Variants in SPG7 observed in about 807,000 individuals in gnomAD.
SPG7 encodes the protein SPG7 matrix AAA peptidase subunit, paraplegin, also known as mitochondrial inner membrane m-AAA protease component paraplegin.
Under a neutral mutation model 81.9 loss-of-function variants are expected in SPG7, and 103 were observed. That is an observed-to-expected ratio of 1.26 (90% CI 1.07 to 1.48). SPG7 has a LOEUF of 1.48. Ranked by LOEUF, SPG7 falls within the 40% of genes most tolerant of loss-of-function variation. The pLI is 0.00. For missense variants in SPG7, 1,241 were observed against 1,087.3 expected (o/e 1.14, Z -1.99); for synonymous variants, 534 against 444.2 (o/e 1.20, Z -2.54).
At chr16:89,514,935 CTTTTTT>C (rs56327708) in intron 3 of SPG7, among the ~76,000 whole-genome samples, 2 of 122,534 alleles carry the variant, frequency 1.6e-5, no homozygotes, top group Admixed American at 8.5e-5. Context: ...TGGCCTTGAC[CTTTTTT>C]TTTTTTTTTT....
At chr16:89,531,693 T>C (rs1337923580) in intron 7 of SPG7, 3 of 587,852 alleles carry the variant, frequency 5.1e-6, no homozygotes, top group East Asian at 2.9e-5. Flanking sequence ...TTTTTAAAAG[T>C]AGCTGGGCGT....
At chr16:89,541,153 A>C (rs962996172) in intron 9 of SPG7, 2 of 963,896 alleles carry the variant, frequency 2.1e-6, no homozygotes, top group African/African-American at 1.9e-5. Context: ...TTCTACGCAG[A>C]AATAGAAGAG....
At chr16:89,539,135 A>C (rs948716527) in intron 9 of SPG7, 1 of 152,222 alleles carries the variant, frequency 6.6e-6, no homozygotes, top group Admixed American at 6.5e-5. Context: ...TACGCACTCT[A>C]TGTGTCCCTT....
At chr16:89,532,920 C>T in intron 9 of SPG7, 1 of 443,360 alleles carries the variant, frequency 2.3e-6, no homozygotes, top group South Asian at 2.1e-5. Flanking sequence ...CCCATCTCTA[C>T]AAAAATACAA....
rs759117790 is a variant in SPG7, at chr16:89,556,984, C to T, written c.2279C>T (p.Pro760Leu). 13 of 1,613,896 alleles carry T rather than the reference C, an allele frequency of 8.1e-6. No individual in the cohort carries two copies. The highest frequency in any genetic ancestry group is 3.3e-5 in the South Asian group (3 of 91,084). ...PPHGPKKMIA[P>L]QRWIDAQREK... ...CATGGGCCGAAGAAAATGATCGCAC[C>T]GCAGAGGTGGATCGACGCCCAGAGG... Residue 760 changes from proline (P) to leucine (L), a missense_variant, in exon 17 of 17, where the codon CCG becomes CTG. Transcript: ENST00000645818.
intron 3 of SPG7, chr16:89,520,564 T>G (rs2058173029): frequency 6.7e-6 from 1 of 148,546 alleles, no homozygotes. Flanking sequence ...GCCCAGCTAA[T>G]TTTTGTATTT....
intron 16 of SPG7, 65 bp from the exon 17 acceptor site, chr16:89,556,822 C>T (rs2058691215): frequency 1.5e-6 from 2 of 1,329,936 alleles, no homozygotes; most frequent in East Asian, 2.3e-5. Context: ...TTGCCACCTC[C>T]CCAGGACATA....
chr16:89,549,098 A>G (rs1156627181), intron 12 of SPG7: 5 of 456,364 alleles, frequency 1.1e-5, no homozygotes, highest in South Asian at 7.7e-5. Flanking sequence ...GGTCGAGAGG[A>G]CTGGCGCTGC....
chr16:89,510,407 T>A (rs548044912), intron 1 of SPG7, 83 bp from the exon 2 acceptor site: 287 of 847,476 alleles, frequency 3.4e-4, no homozygotes, highest in Non-Finnish European at 5.3e-4. Flanking sequence ...ATTTGAACTT[T>A]TAAAAACGAT....
At position 89,554,335 on chromosome 16, in the gene SPG7, C is replaced by T. The variant is rs535420144; in HGVS notation, c.2104-151C>T. ...GGAGCCCTGCTTTCCTGGCACTGGT[C>T]ACAGGGGCAGGAGACCACCTGTCGG... On this transcript the variant is annotated intron_variant, in intron 15 of 16. Coordinates refer to ENST00000645818, the MANE Select transcript of SPG7 (RefSeq NM_003119.4). 3.2e-3 allele frequency: 2,225 copies of T among 697,044 alleles called. 8 individuals are homozygous for T. The highest frequency in any genetic ancestry group is 4.3e-3 in the Admixed American group (210 of 49,302). The allele number at this position is 697,044 out of a possible 1,614,324, so 43.2% of individuals were successfully genotyped here.
chr16:89,537,139 C>T (rs1252755879), intron 9 of SPG7: 2 of 1,464,160 alleles, frequency 1.4e-6, no homozygotes. Flanking sequence ...AGGTCCCAGG[C>T]CAGGCTTTGT....
rs369989832 is a variant in SPG7, at chr16:89,510,534, C to T, written c.228C>T (p.Asn76=). ...TAACCCCTACCTTTGAAGGGATCAA[C>T]GGATTGTTGTTGAAACAACATTTAG... The part of the protein sequence containing the change: ...RLLTPTFEGI[N]GLLLKQHLVQ... The change falls in exon 2 of 17, where the codon AAC becomes AAT. Residue 76 remains asparagine, a synonymous_variant. Coordinates refer to ENST00000645818, the MANE Select transcript of SPG7 (RefSeq NM_003119.4). The T allele has an allele frequency of 2.2e-5, 36 of 1,606,722 alleles. No individual in the cohort carries two copies. The highest frequency in any genetic ancestry group is 3.3e-4 in the Middle Eastern group (2 of 6,026).
chr16:89,517,551 C>T (rs1213371545), intron 3 of SPG7: 1 of 151,526 alleles, frequency 6.6e-6, no homozygotes, highest in Non-Finnish European at 1.5e-5. Flanking sequence ...CCTGCATCTG[C>T]TTATGGATGA....
intron 3 of SPG7, chr16:89,518,374 T>G (rs1235620597): frequency 6.6e-6 from 1 of 151,958 alleles, no homozygotes; most frequent in East Asian, 1.9e-4. Context: ...TTATACGGAG[T>G]GAAAAAAGGC....
chr16:89,536,992 C>T lies in SPG7; in HGVS notation c.1324+4356C>T, dbSNP rs567196594. 4.5e-5 allele frequency: 73 copies of T among 1,613,566 alleles called. 1 individual carries two copies. The South Asian group carries it at 7.8e-4, about 17-fold the overall frequency. On this transcript the variant is annotated intron_variant, in intron 9 of 16. Transcript: ENST00000645818. ...ATCTTCTCCACATAACCTCTCTGTG[C>T]CATCATAAGAATAGCTGCTTCCGCC...
intron 3 of SPG7, among the ~76,000 whole-genome samples, chr16:89,513,426 G>T (rs2058048730): frequency 1.3e-5 from 2 of 151,966 alleles, no homozygotes; most frequent in Non-Finnish European, 2.9e-5. Context: ...TGAGGCAGGA[G>T]AATTGCTTGA....
intron 9 of SPG7, among the ~76,000 whole-genome samples, chr16:89,536,141 G>A (rs1218636330): frequency 9.2e-6 from 1 of 108,752 alleles, no homozygotes; most frequent in African/African-American, 3.4e-5. Context: ...CCTCTCTGGT[G>A]CTGTGTGGCC....
chr16:89,537,274 C>T (rs951043063), intron 9 of SPG7: 10 of 1,330,354 alleles, frequency 7.5e-6, no homozygotes, highest in Admixed American at 7.0e-5. Context: ...CGGTGTCCTG[C>T]GGACCCCAGA....
At chr16:89,536,891 G>A in intron 9 of SPG7, 1 of 1,614,186 alleles carries the variant, frequency 6.2e-7, no homozygotes. Flanking sequence ...TCGCTCTGCT[G>A]GGGTTGCCTT....
Sources: allele counts gnomAD v4.1 joint callset (sites outside exome capture counted in the v4.1 genomes callset), GRCh38; gene constraint gnomAD v4.1.1; transcripts MANE v1.5; gene names NCBI Gene and HGNC (gene_info 2026-07-23, HGNC 2026-07-21).